CPS1: variants seen among roughly 807,000 people sequenced by gnomAD.
CPS1 encodes carbamoyl-phosphate synthase [ammonia], mitochondrial.
In CPS1, 109 loss-of-function variants were observed where a neutral mutation model predicts 174.6. The ratio of observed to expected loss-of-function variants is 0.62; its 90% confidence interval spans 0.53 to 0.73. The LOEUF is 0.73. Among genes scored for constraint, CPS1 ranks in the 30% least tolerant of loss-of-function variants. The pLI is 0.00. For missense variants in CPS1, 1,689 were observed against 1,821.9 expected (o/e 0.93, Z 1.33); for synonymous variants, 637 against 632.0 (o/e 1.01, Z -0.12).
At chr2:210,676,376 G>A (rs2105945130) in intron 36 of CPS1, among the ~76,000 whole-genome samples, 1 of 152,180 alleles carries the variant, frequency 6.6e-6, no homozygotes, top group African/African-American at 2.4e-5. Flanking sequence ...GAATCTTCAG[G>A]AATACCATTG....
At chr2:210,624,503 T>C (rs1024204934) in intron 21 of CPS1, among the ~76,000 whole-genome samples, 8 of 152,046 alleles carry the variant, frequency 5.3e-5, no homozygotes, top group Non-Finnish European at 1.5e-5. Flanking sequence ...AGTAATACCA[T>C]GGGAAATTTT....
rs1699303865 is a variant in CPS1 at position 210,616,339 on chromosome 2, A to G, written c.2569-84A>G. On this transcript the variant is annotated intron_variant, in intron 20 of 37. Coordinates refer to ENST00000233072, the MANE Select transcript of CPS1 (RefSeq NM_001875.5). Reference sequence around the variant, plus strand: ...CTCGGGCTCTCTAAATAACACACAGAGGCATGACTGCTATGTATTTTAAAC... The same window carrying G: ...CTCGGGCTCTCTAAATAACACACAGGGGCATGACTGCTATGTATTTTAAAC... 27 of 888,196 alleles carry G rather than the reference A, an allele frequency of 3.0e-5. No individual in the cohort carries two copies. The Admixed American group carries it at 4.3e-4, about 14-fold the overall frequency. The allele number at this position is 888,196 out of a possible 1,614,324, so 55.0% of individuals were successfully genotyped here.
intron 1 of CPS1, among the ~76,000 whole-genome samples, chr2:210,538,382 A>G (rs1696314308): frequency 6.6e-6 from 1 of 152,128 alleles, no homozygotes; most frequent in African/African-American, 2.4e-5. Context: ...ATAGCCCAGA[A>G]TGGAGGTTCA....
intron 35 of CPS1, among the ~76,000 whole-genome samples, chr2:210,675,322 C>T (rs2105943459): frequency 6.6e-6 from 1 of 152,148 alleles, no homozygotes; most frequent in East Asian, 1.9e-4. Flanking sequence ...TGAATACCTC[C>T]ACACAAAGCC....
rs770984666 is a variant in CPS1, at chr2:210,606,988, A to G, written c.2192+47A>G. ...ATGGGTTTGCAGATTCTTTTCAGAT[A>G]GAAATGAAAAATTGACAGATAGTGG... On this transcript the variant is annotated intron_variant, in intron 18 of 37. Coordinates refer to ENST00000233072, the MANE Select transcript of CPS1 (RefSeq NM_001875.5). The G allele has an allele frequency of 3.2e-6, 5 of 1,549,928 alleles. No homozygotes were observed. The South Asian group carries it at 5.6e-5, about 17-fold the overall frequency.
At chr2:210,558,115 TAAC>T (rs1157134155) in intron 1 of CPS1, among the ~76,000 whole-genome samples, 2 of 151,954 alleles carry the variant, frequency 1.3e-5, no homozygotes, top group African/African-American at 4.8e-5. Context: ...AGTGGTGTGT[TAAC>T]AACTTCAGCC....
chr2:210,586,120 G>A (rs899873967), intron 6 of CPS1, among the ~76,000 whole-genome samples: 2 of 151,820 alleles, frequency 1.3e-5, no homozygotes, highest in East Asian at 3.9e-4. Context: ...ATATTATCTG[G>A]TATTCCGGCT....
chr2:210,671,953 A>G (rs753015576), intron 34 of CPS1: 1 of 152,118 alleles, frequency 6.6e-6, no homozygotes, highest in Non-Finnish European at 1.5e-5. Flanking sequence ...GGTTAATGCA[A>G]TCTTGACTTC....
At chr2:210,666,739 G>A (rs543454171) in intron 33 of CPS1, among the ~76,000 whole-genome samples, 6 of 152,106 alleles carry the variant, frequency 3.9e-5, no homozygotes, top group Non-Finnish European at 7.4e-5. Flanking sequence ...GTCTTATAGT[G>A]TAGTTTGAAG....
intron 1 of CPS1, among the ~76,000 whole-genome samples, chr2:210,542,026 TTTTGATCTCATATACTC>T (rs1696445752): frequency 6.6e-6 from 1 of 152,130 alleles, no homozygotes; most frequent in Non-Finnish European, 1.5e-5. Context: ...CTCCCTTATT[TTTTGATCTCATATACTC>T]AAGTATTCTT....
At position 210,647,361 on chromosome 2, in the gene CPS1, T is replaced by TG. The variant is rs1172077658; in HGVS notation, c.3142-497dup. On this transcript the variant is annotated intron_variant, in intron 25 of 37. Transcript: ENST00000233072. Reference sequence around the variant, plus strand: ...TAAGACTGGAAAGTCTTAAGTGCCCTGGGGGTCAAAAGTTTATGCTTTATT... The same window carrying TG: ...TAAGACTGGAAAGTCTTAAGTGCCCTGGGGGGTCAAAAGTTTATGCTTTATT... Among the ~76,000 whole-genome samples the TG allele has an allele frequency of 4.6e-5, 7 of 152,238 alleles. No homozygotes were observed. The South Asian group carries it at 1.5e-3, about 32-fold the overall frequency.
intron 1 of CPS1, among the ~76,000 whole-genome samples, chr2:210,509,317 A>G (rs1559741710): frequency 2.0e-5 from 3 of 152,248 alleles, no homozygotes; most frequent in African/African-American, 7.2e-5. Context: ...AAGGCCTTTG[A>G]CAAAATTCAA....
At chr2:210,571,682 G>A (rs1697494293) in intron 1 of CPS1, among the ~76,000 whole-genome samples, 1 of 151,780 alleles carries the variant, frequency 6.6e-6, no homozygotes, top group Admixed American at 6.6e-5. Context: ...AAGAGACTTG[G>A]GTGCTTTGGA....
chr2:210,616,466 C>T lies in CPS1; in HGVS notation c.2612C>T (p.Thr871Ile). Residue 871 changes from threonine to isoleucine, a missense_variant, in exon 21 of 38, where the codon ACA becomes ATA. Physicochemically the swap from Thr to Ile is moderately conservative, Grantham distance 89. Coordinates refer to ENST00000233072, the MANE Select transcript of CPS1 (RefSeq NM_001875.5). Reference protein sequence around the residue: ...NMSLDEIEKLTYIDKWFLYKM... With the variant: ...NMSLDEIEKLIYIDKWFLYKM... ...TCCCTTGATGAGATTGAGAAGCTCA[C>T]ATACATTGACAAGTGGTTTTTGTAT... 1 of 1,612,380 alleles carries T rather than the reference C, an allele frequency of 6.2e-7. No homozygotes were observed. The highest frequency in any genetic ancestry group is 8.5e-7 in the Non-Finnish European group (1 of 1,178,830).
intron 21 of CPS1, among the ~76,000 whole-genome samples, chr2:210,629,391 T>C (rs1291489385): frequency 1.3e-5 from 2 of 151,952 alleles, no homozygotes; most frequent in Admixed American, 1.3e-4. Flanking sequence ...CTCGGCTCAC[T>C]GCAAGGTCCG....
At chr2:210,489,514 G>A (rs1216311052) in intron 1 of CPS1, among the ~76,000 whole-genome samples, 2 of 152,262 alleles carry the variant, frequency 1.3e-5, no homozygotes, top group Middle Eastern at 3.4e-3. Context: ...AGTTTTATAT[G>A]TAAGTAGGAA....
At chr2:210,555,271 A>T (rs1257870541), upstream of CPS1, among the ~76,000 whole-genome samples, 1 of 152,024 alleles carries the variant, frequency 6.6e-6, no homozygotes, top group Non-Finnish European at 1.5e-5. Flanking sequence ...TGCATCCTTC[A>T]GTATAACACA....
rs781583758 is a variant in CPS1, at chr2:210,590,841, T to C, written c.882T>C (p.Ser294=). ...SDRKEPLFGI[S]TGNLITGLAA... ...GCAAGGAGCCATTGTTTGGAATCAG[T>C]ACAGGAAACTTAATAACAGGATTGG... is the stretch of plus-strand genomic sequence containing the variant. Residue 294 remains serine (S), a synonymous_variant, in exon 9 of 38, where the codon AGT becomes AGC. Coordinates refer to ENST00000233072, the MANE Select transcript of CPS1 (RefSeq NM_001875.5). 6.2e-7 allele frequency: 1 copy of C among 1,611,222 alleles called. No homozygotes were observed. Among genetic ancestry groups the C allele is most frequent in the Non-Finnish European group, 8.5e-7 (1 of 1,178,158 alleles).
At chr2:210,646,438 G>C (rs1700379487) in intron 25 of CPS1, among the ~76,000 whole-genome samples, 1 of 152,130 alleles carries the variant, frequency 6.6e-6, no homozygotes, top group Non-Finnish European at 1.5e-5. Flanking sequence ...CAGGGTGTTT[G>C]TTTAGTTACA....
Sources: gnomAD v4.1 joint callset for allele counts (sites outside exome capture counted in the v4.1 genomes callset) on GRCh38, gnomAD v4.1.1 for gene constraint, MANE v1.5 for transcripts, NCBI Gene and HGNC (gene_info 2026-07-23, HGNC 2026-07-21) for gene names.